SND1: variants seen among roughly 807,000 people sequenced by gnomAD.
SND1 encodes staphylococcal nuclease domain-containing protein 1.
SND1 carries 38 observed loss-of-function variants against 121.7 expected under a neutral mutation model. That is an observed-to-expected ratio of 0.31 (90% CI 0.24 to 0.41). SND1 has a LOEUF of 0.41. Among genes scored for constraint, SND1 ranks in the 10% least tolerant of loss-of-function variants. The pLI is 1.00. For synonymous variants in SND1, 401 were observed against 447.4 expected (o/e 0.90, Z 1.31); for missense variants, 868 against 1,184.6 (o/e 0.73, Z 3.92).
chr7:127,866,616 C>T (rs1045256040), intron 12 of SND1, among the ~76,000 whole-genome samples: 2 of 152,172 alleles, frequency 1.3e-5, no homozygotes, highest in Non-Finnish European at 2.9e-5. Flanking sequence ...TTCGTACCTG[C>T]AGGTTTTCCC....
At chr7:128,084,053 C>T (rs145182398) in intron 18 of SND1, among the ~76,000 whole-genome samples, 1 of 152,304 alleles carries the variant, frequency 6.6e-6, no homozygotes, top group African/African-American at 2.4e-5. Context: ...GACAGTACAG[C>T]CCCAGCCCAG....
Position 127,704,901 on chromosome 7 carries a change from T to C in SND1, c.903T>C (p.Ile301=), listed in dbSNP as rs148681553. 1 of 1,614,072 alleles carries C rather than the reference T, an allele frequency of 6.2e-7. No individual in the cohort carries two copies. The highest frequency in any genetic ancestry group is 1.7e-5 in the Admixed American group (1 of 60,008). ...EGFARCVDWS[I]AVYTRGAEKL... ...TCGCACGCTGTGTGGACTGGTCGAT[T>C]GCAGTTTACACCCGGGGCGCAGAAA... Residue 301 remains isoleucine, a synonymous_variant, in exon 8 of 24, where the codon ATT becomes ATC. Transcript: ENST00000354725.
Position 127,671,139 on chromosome 7 carries a change from A to G in SND1, c.79-15474A>G, listed in dbSNP as rs146356075. Among the ~76,000 whole-genome samples the G allele has an allele frequency of 6.7e-3, 1,022 of 152,306 alleles. 11 individuals carry two copies. The highest frequency in any genetic ancestry group is 0.017 in the Middle Eastern group (5 of 294). Reference sequence around the variant, plus strand: ...GAGAGACAAAGTTTCAGAACCACCAACGAGACCTAGTTCCAGTGATTTGTC... The same window carrying G: ...GAGAGACAAAGTTTCAGAACCACCAGCGAGACCTAGTTCCAGTGATTTGTC... On this transcript the variant is annotated intron_variant, in intron 1 of 23. Transcript: ENST00000354725.
At chr7:128,031,497 A>C (rs1401251226) in intron 16 of SND1, 3 of 150,982 alleles carry the variant, frequency 2.0e-5, no homozygotes, top group Non-Finnish European at 3.0e-5. Flanking sequence ...CGCCCTCCCC[A>C]GACACACACC....
At chr7:128,031,073 G>A (rs1792578989) in intron 16 of SND1, 1 of 152,406 alleles carries the variant, frequency 6.6e-6, no homozygotes, top group South Asian at 2.1e-4. Context: ...GGGAGGGAAG[G>A]GGTGGGGGAG....
intron 10 of SND1, among the ~76,000 whole-genome samples, chr7:127,790,678 C>T (rs1223991339): frequency 1.3e-5 from 2 of 152,156 alleles, no homozygotes. Context: ...TTTCAGGTAG[C>T]TTGTAATCAC....
At chr7:127,828,932 A>T (rs1331756424) in intron 11 of SND1, among the ~76,000 whole-genome samples, 1 of 152,192 alleles carries the variant, frequency 6.6e-6, no homozygotes, top group Admixed American at 6.5e-5. Flanking sequence ...AGAAGAATTT[A>T]TCATTAGTTT....
At chr7:127,953,154 G>C (rs1171027606) in intron 15 of SND1, among the ~76,000 whole-genome samples, 28 of 1,288 alleles carry the variant, frequency 0.022, no homozygotes, top group South Asian at 0.038. Context: ...ACAAGACCGT[G>C]TGTGTGTGTG....
intron 14 of SND1, among the ~76,000 whole-genome samples, chr7:127,926,327 T>C (rs942038028): frequency 7.2e-5 from 11 of 152,146 alleles, no homozygotes; most frequent in African/African-American, 2.7e-4. Context: ...ATCAATTTAA[T>C]TGACTTTATA....
chr7:127,930,685 G>T (rs1360056637), intron 15 of SND1, among the ~76,000 whole-genome samples: 1 of 152,174 alleles, frequency 6.6e-6, no homozygotes, highest in Non-Finnish European at 1.5e-5. Context: ...AAACTGAAAG[G>T]CAGTGTGGCA....
intron 4 of SND1, among the ~76,000 whole-genome samples, chr7:127,700,483 A>G (rs1180761967): frequency 6.6e-6 from 1 of 152,220 alleles, no homozygotes; most frequent in African/African-American, 2.4e-5. Flanking sequence ...TGCAAAAGCC[A>G]TGCAGTTCCA....
At chr7:127,656,719 G>A (rs747403222) in intron 1 of SND1, among the ~76,000 whole-genome samples, 1 of 152,138 alleles carries the variant, frequency 6.6e-6, no homozygotes, top group Non-Finnish European at 1.5e-5. Flanking sequence ...GGGAAGTCAG[G>A]GACCCCGAAC....
chr7:128,078,242 A>G (rs1793539070), intron 17 of SND1, among the ~76,000 whole-genome samples: 1 of 152,230 alleles, frequency 6.6e-6, no homozygotes, highest in Non-Finnish European at 1.5e-5. Context: ...CAGCTTGCCC[A>G]TGTGGCTGCA....
chr7:128,023,638 A>T (rs57866092), intron 16 of SND1, among the ~76,000 whole-genome samples: 2,120 of 152,262 alleles, frequency 0.014, 60 homozygotes, highest in African/African-American at 0.048. Flanking sequence ...TTTCACAGTG[A>T]TCGGGCTTAT....
chr7:127,859,501 A>G (rs1799340301), intron 12 of SND1, among the ~76,000 whole-genome samples: 1 of 152,156 alleles, frequency 6.6e-6, no homozygotes. Context: ...CAGAATTCTC[A>G]GGGTCGTGTT....
chr7:128,082,039 G>A (rs1793613451), intron 18 of SND1: 1 of 516,098 alleles, frequency 1.9e-6, no homozygotes, highest in Non-Finnish European at 4.0e-6. Context: ...GACATCCCCG[G>A]GCAGTCTCTG....
chr7:127,887,532 C>T (rs1799935030), intron 12 of SND1, among the ~76,000 whole-genome samples: 1 of 152,022 alleles, frequency 6.6e-6, no homozygotes, highest in Non-Finnish European at 1.5e-5. Flanking sequence ...TTATATGTTC[C>T]ATTTTTTTCT....
intron 16 of SND1, chr7:128,028,662 T>G: frequency 6.3e-7 from 1 of 1,595,190 alleles, no homozygotes; most frequent in Non-Finnish European, 8.5e-7. Context: ...TTTTATAAGT[T>G]TTTTGGGGGA....
intron 12 of SND1, chr7:127,858,073 T>G (rs1799314456): frequency 9.2e-7 from 1 of 1,083,122 alleles, no homozygotes; most frequent in African/African-American, 1.5e-5. Flanking sequence ...TTCTCCTCTC[T>G]GGGTAGGGGT....
Sources: gnomAD v4.1 joint callset for allele counts (sites outside exome capture counted in the v4.1 genomes callset) on GRCh38, gnomAD v4.1.1 for gene constraint, MANE v1.5 for transcripts, NCBI Gene and HGNC (gene_info 2026-07-23, HGNC 2026-07-21) for gene names.